The following CABIN1 variants were observed in gnomAD, a reference collection of about 807,000 sequenced individuals.
CABIN1 encodes the protein calcineurin binding protein 1, also known as calcineurin-binding protein cabin-1.
Under a neutral mutation model 227.7 loss-of-function variants are expected in CABIN1, and 133 were observed. The ratio of observed to expected loss-of-function variants is 0.58; its 90% CI spans 0.51 to 0.67. The LOEUF is 0.67. Ranked by LOEUF, CABIN1 falls within the 30% of genes least tolerant of loss-of-function variation. The probability of loss-of-function intolerance (pLI) is 0.00; values close to 1 mark genes in which losing one functional copy is unlikely to be tolerated. For synonymous variants in CABIN1, 1,086 were observed against 1,155.1 expected (o/e 0.94, Z 1.21); for missense variants, 2,408 against 2,852.5 (o/e 0.84, Z 3.55).
At chr22:24,047,978 A>G (rs2038026175) in intron 6 of CABIN1, among the ~76,000 whole-genome samples, 1 of 152,238 alleles carries the variant, frequency 6.6e-6, no homozygotes, top group South Asian at 2.1e-4. Context: ...TTTGTAATTT[A>G]TATCATAGTT....
chr22:24,040,052 C>G (rs2037243970), intron 4 of CABIN1, among the ~76,000 whole-genome samples: 1 of 152,196 alleles, frequency 6.6e-6, no homozygotes, highest in Non-Finnish European at 1.5e-5. Context: ...AAAGCATCCA[C>G]TGTTATGTGC....
At chr22:24,093,421 T>C (rs963997184) in intron 24 of CABIN1, among the ~76,000 whole-genome samples, 4 of 152,098 alleles carry the variant, frequency 2.6e-5, no homozygotes, top group African/African-American at 4.8e-5. Context: ...TGGAGGCCAG[T>C]AGTCCCAACT....
At position 24,053,108 on chromosome 22, in the gene CABIN1, C is replaced by T. The variant is rs182756315; in HGVS notation, c.807-1765C>T. Among the ~76,000 whole-genome samples, 278 of 137,038 alleles carry T rather than the reference C, an allele frequency of 2.0e-3. 2 individuals are homozygous for T. The highest frequency in any genetic ancestry group is 6.9e-3 in the African/African-American group (250 of 36,238). The allele number at this position is 137,038 out of a possible 152,430, so 89.9% of individuals were successfully genotyped here. A position where few individuals can be genotyped will look rare whatever the true frequency, so the allele number is the denominator to read the frequency against. On this transcript the variant is annotated intron_variant, in intron 8 of 36. Transcript: ENST00000263119. ...TTTTTTTTTTTTTGAGACAGAGTCT[C>T]ACTCTGTCGCCCAGGCTGAAGTGCA...
chr22:24,101,889 G>T (rs532485790), intron 26 of CABIN1, among the ~76,000 whole-genome samples: 18 of 152,156 alleles, frequency 1.2e-4, no homozygotes, highest in Non-Finnish European at 2.6e-4. Context: ...GTGTGTGCCC[G>T]TGTGTAATTA....
At chr22:24,091,997 C>T in intron 24 of CABIN1, 154 bp downstream of exon 24, 2 of 844,206 alleles carry the variant, frequency 2.4e-6, no homozygotes, top group Non-Finnish European at 3.7e-6. Flanking sequence ...TGAATTAAAA[C>T]ATCATTTCCT....
In CABIN1 at chr22:24,146,567, C is replaced by T. The variant is rs563781736; in HGVS notation, c.4746+12152C>T. Among the ~76,000 whole-genome samples the T allele has an allele frequency of 4.6e-5, 7 of 152,326 alleles. No individual in the cohort carries two copies. The South Asian group carries it at 1.0e-3, about 23-fold the overall frequency. On this transcript the variant is annotated intron_variant, in intron 29 of 36. Transcript: ENST00000263119. ...TAGGAGAGGTCAGTAGGAGGAAGTA[C>T]ACACAGAGGAGTGGCAGGGACAAGG...
intron 24 of CABIN1, among the ~76,000 whole-genome samples, chr22:24,094,099 A>G (rs1290095923): frequency 6.6e-6 from 1 of 152,138 alleles, no homozygotes; most frequent in Non-Finnish European, 1.5e-5. Context: ...GAGAAGGGTA[A>G]GGCCCAGAGG....
At chr22:24,102,427 A>G (rs920863836) in intron 26 of CABIN1, 2 of 152,280 alleles carry the variant, frequency 1.3e-5, no homozygotes, top group African/African-American at 4.8e-5. Flanking sequence ...GAGCCTCTCT[A>G]TGGTCTTTGG....
In CABIN1 at chr22:24,013,108, A is replaced by G. The variant is rs183224035; in HGVS notation, c.-75+1741A>G. Among the ~76,000 whole-genome samples the G allele has an allele frequency of 1.1e-3, 157 of 148,714 alleles. 1 individual carries two copies. The highest frequency in any genetic ancestry group is 4.4e-3 in the Admixed American group (65 of 14,810). ...AAGCTCCTTTTAGTGAGTTTCTTGG[A>G]TTTATGGTGAACAATACATAAATGG... On this transcript the variant is annotated intron_variant, in intron 1 of 36. Transcript: ENST00000263119.
At chr22:24,133,819 C>T (rs1341224027) in intron 28 of CABIN1, among the ~76,000 whole-genome samples, 1 of 152,230 alleles carries the variant, frequency 6.6e-6, no homozygotes, top group African/African-American at 2.4e-5. Flanking sequence ...GCCTGGATTC[C>T]ACCAAGAGGC....
chr22:24,114,806 C>G (rs1224240247), intron 27 of CABIN1, among the ~76,000 whole-genome samples: 1 of 152,238 alleles, frequency 6.6e-6, no homozygotes, highest in Non-Finnish European at 1.5e-5. Context: ...CTGCCAGCCT[C>G]CCCTGGCTGG....
At chr22:24,011,392 A>G in intron 1 of CABIN1, 25 bp downstream of exon 1, 1 of 152,994 alleles carries the variant, frequency 6.5e-6, no homozygotes, top group East Asian at 1.9e-4. Flanking sequence ...GGCTGGTTTG[A>G]AGGCGGTGCC....
intron 28 of CABIN1, among the ~76,000 whole-genome samples, chr22:24,129,701 G>A (rs1361847028): frequency 6.6e-6 from 1 of 152,240 alleles, no homozygotes; most frequent in Non-Finnish European, 1.5e-5. Context: ...CCATCTGCGA[G>A]TCAGTGGAAA....
At chr22:24,112,830 C>T (rs1450598576) in intron 26 of CABIN1, among the ~76,000 whole-genome samples, 1 of 152,190 alleles carries the variant, frequency 6.6e-6, no homozygotes, top group African/African-American at 2.4e-5. Flanking sequence ...AAGGTTTCCT[C>T]CCCCACCTCC....
At position 24,049,076 on chromosome 22, in the gene CABIN1, C is replaced by G. The variant is rs762308228; in HGVS notation, c.527-15C>G. ...TGCGGTCTCAGAAGTCATAAACTGT[C>G]TCTTTCCCCGCCAGCATGTCTGTAC... is the stretch of plus-strand genomic sequence containing the variant. On this transcript the variant is annotated splice_polypyrimidine_tract_variant and intron_variant, in intron 6 of 36. Transcript: ENST00000263119. 15 of 1,613,544 alleles carry G rather than the reference C, an allele frequency of 9.3e-6. No homozygotes were observed. Among genetic ancestry groups the G allele is most frequent in the Middle Eastern group, 1.6e-4 (1 of 6,084 alleles).
rs9624395 is a variant in CABIN1 at position 24,064,130 on chromosome 22, A to C, written c.1980A>C (p.Arg660Ser). Reference protein sequence around the residue: ...AIQVEAGAERRDIVIRLPNLH... With the variant: ...AIQVEAGAERSDIVIRLPNLH... The stretch of plus-strand genomic sequence containing the variant: ...AGGTGGAGGCAGGGGCTGAACGAAG[A>C]GACATTGTCATCCGGCTGCCCAACC... The change falls in exon 15 of 37, where the codon AGA becomes AGC. Residue 660 changes from arginine (R) to serine (S), a missense_variant. Arg to Ser is a moderately radical substitution (Grantham distance 110). Transcript: ENST00000263119. The C allele has an allele frequency of 0.023, 36,817 of 1,614,156 alleles. 792 individuals carry two copies. The highest frequency in any genetic ancestry group is 0.11 in the African/African-American group (8,237 of 75,022).
chr22:24,044,132 C>T (rs1459380713), intron 6 of CABIN1, among the ~76,000 whole-genome samples: 1 of 152,098 alleles, frequency 6.6e-6, no homozygotes, highest in Admixed American at 6.5e-5. Context: ...AGGGCTCTAC[C>T]CCTAAGATGC....
chr22:24,082,934 T>G (rs535258878), intron 19 of CABIN1, among the ~76,000 whole-genome samples: 1 of 152,346 alleles, frequency 6.6e-6, no homozygotes, highest in South Asian at 2.1e-4. Context: ...GGCAAATATC[T>G]TCTTCTGGTG....
intron 1 of CABIN1, among the ~76,000 whole-genome samples, chr22:24,021,845 C>G (rs1266585680): frequency 1.3e-5 from 2 of 152,098 alleles, no homozygotes; most frequent in African/African-American, 4.8e-5. Context: ...CCACCATGCC[C>G]AGCTATTTTT....
Sources: gnomAD v4.1 joint callset for allele counts (sites outside exome capture counted in the v4.1 genomes callset) on GRCh38, gnomAD v4.1.1 for gene constraint, MANE v1.5 for transcripts, NCBI Gene and HGNC (gene_info 2026-07-23, HGNC 2026-07-21) for gene names.